EFNA5: variants seen among roughly 807,000 people sequenced by gnomAD.
The protein encoded by EFNA5 is ephrin A5, also known as ephrin-A5.
EFNA5 carries 5 observed loss-of-function variants against 22.9 expected under a neutral mutation model. The observed-to-expected ratio is 0.22, with a 90% CI of 0.11 to 0.46. EFNA5 has a LOEUF of 0.46. Among genes scored for constraint, EFNA5 ranks in the 20% least tolerant of loss-of-function variants. The pLI is 0.99. For missense variants in EFNA5, 237 were observed against 293.3 expected (o/e 0.81, Z 1.40); for synonymous variants, 113 against 112.2 (o/e 1.01, Z -0.04).
At chr5:107,511,207 G>C (rs1747364629) in intron 1 of EFNA5, among the ~76,000 whole-genome samples, 1 of 152,068 alleles carries the variant, frequency 6.6e-6, no homozygotes, top group Admixed American at 6.5e-5. Flanking sequence ...TGTATTTTTA[G>C]TAGAGACAGG....
chr5:107,433,092 A>G (rs1388348037), intron 1 of EFNA5, among the ~76,000 whole-genome samples: 1 of 152,214 alleles, frequency 6.6e-6, no homozygotes, highest in Non-Finnish European at 1.5e-5. Flanking sequence ...CTTCCAAGCA[A>G]TTGTAGGCTA....
rs1747412421 is a variant in EFNA5, at chr5:107,380,435, A to G, written c.*820T>C. The G allele has an allele frequency of 6.6e-6, 1 of 150,848 alleles. No individual in the cohort carries two copies. Among genetic ancestry groups the G allele is most frequent in the Admixed American group, 7.7e-5 (1 of 13,054 alleles). 9.3% of individuals were successfully genotyped at this position (150,848 alleles called of 1,614,324 possible). ...AAGTTGTAGCACCATGGTGATCTGT[A>G]TTCAAAGAAAAAATATCTGGTGTGC... On this transcript the variant is annotated 3_prime_UTR_variant, in exon 5 of 5. Transcript: ENST00000333274.
intron 1 of EFNA5, among the ~76,000 whole-genome samples, chr5:107,517,124 T>C (rs1371540997): frequency 6.6e-6 from 1 of 151,106 alleles, no homozygotes; most frequent in Non-Finnish European, 1.5e-5. Context: ...ATGAATTTTA[T>C]GGTATGTAAA....
Position 107,670,550 on chromosome 5 carries a change from C to T in EFNA5, c.64G>A (p.Asp22Asn). The T allele has an allele frequency of 6.3e-7, 1 of 1,595,816 alleles. No homozygotes were observed. Among genetic ancestry groups the T allele is most frequent in the Middle Eastern group, 1.7e-4 (1 of 6,040 alleles). Reference protein sequence around the residue: ...LVLWMCVFSQDPGSKAVADRY... With the variant: ...LVLWMCVFSQNPGSKAVADRY... ...TCGGCGACGGCCTTGGAGCCCGGGT[C>T]CTGGCTGAACACACACATCCAGAGC... is the stretch of plus-strand genomic sequence containing the variant. The change falls in exon 1 of 5, where the codon GAC becomes AAC. Residue 22 changes from aspartate (D) to asparagine (N), a missense_variant. Around this residue, in one of 3 missense-constraint regions of EFNA5, gnomAD observed 120 missense variants for 140.5 expected, o/e 0.85. Transcript: ENST00000333274.
At chr5:107,426,836 T>C (rs775452108) in intron 2 of EFNA5, 1 of 189,346 alleles carries the variant, frequency 5.3e-6, no homozygotes, top group Non-Finnish European at 1.1e-5. Context: ...GAAAGGATAT[T>C]GCTGACACCT....
chr5:107,600,961 G>A (rs890826800), intron 1 of EFNA5, among the ~76,000 whole-genome samples: 3 of 152,124 alleles, frequency 2.0e-5, no homozygotes, highest in African/African-American at 4.8e-5. Flanking sequence ...AAAGCCCTTT[G>A]TCTAAAATAA....
At chr5:107,453,788 A>C (rs1253880938) in intron 1 of EFNA5, among the ~76,000 whole-genome samples, 2 of 152,194 alleles carry the variant, frequency 1.3e-5, no homozygotes, top group Admixed American at 1.3e-4. Context: ...TGTTGATATG[A>C]TTCAAGAGTG....
At chr5:107,433,609 T>C (rs1420473023) in intron 1 of EFNA5, among the ~76,000 whole-genome samples, 7 of 152,174 alleles carry the variant, frequency 4.6e-5, no homozygotes, top group Non-Finnish European at 1.0e-4. Flanking sequence ...TTAATATCTC[T>C]CCCTTGCTGA....
chr5:107,482,863 T>C (rs1436862321), intron 1 of EFNA5, among the ~76,000 whole-genome samples: 1 of 43,734 alleles, frequency 2.3e-5, no homozygotes, highest in Non-Finnish European at 4.8e-5. Flanking sequence ...TCTCTCTCTC[T>C]CTCTCTCTAT....
At chr5:107,659,949 A>C in intron 1 of EFNA5, among the ~76,000 whole-genome samples, 1 of 151,892 alleles carries the variant, frequency 6.6e-6, no homozygotes. Context: ...GATGAAGGTA[A>C]ACCAATAGGT....
chr5:107,624,259 G>A (rs756865417), intron 1 of EFNA5, among the ~76,000 whole-genome samples: 7 of 152,066 alleles, frequency 4.6e-5, no homozygotes, highest in Non-Finnish European at 7.4e-5. Flanking sequence ...TTAGCCTTCC[G>A]ACCTGCATAA....
chr5:107,654,801 A>G (rs1750791502), intron 1 of EFNA5, among the ~76,000 whole-genome samples: 1 of 152,100 alleles, frequency 6.6e-6, no homozygotes, highest in South Asian at 2.1e-4. Flanking sequence ...AAAAATAATG[A>G]GGTAAAAGGT....
chr5:107,450,597 C>T (rs1340396836), intron 1 of EFNA5, among the ~76,000 whole-genome samples: 2 of 152,198 alleles, frequency 1.3e-5, no homozygotes, highest in Non-Finnish European at 2.9e-5. Context: ...TTGATAAAAG[C>T]ATGAAACACT....
intron 1 of EFNA5, among the ~76,000 whole-genome samples, chr5:107,457,559 C>T (rs953537321): frequency 1.3e-5 from 2 of 152,060 alleles, no homozygotes; most frequent in Non-Finnish European, 1.5e-5. Flanking sequence ...AAAGTCTGTA[C>T]ATGCTCAGTA....
At chr5:107,509,485 A>ATTTTTT (rs35228224) in intron 1 of EFNA5, among the ~76,000 whole-genome samples, 1 of 125,242 alleles carries the variant, frequency 8.0e-6, no homozygotes, top group Non-Finnish European at 1.7e-5. Flanking sequence ...TGCTTGGCTA[A>ATTTTTT]TTTTTTTTTT....
At chr5:107,605,058 GGCA>G (rs1749683155) in intron 1 of EFNA5, among the ~76,000 whole-genome samples, 1 of 151,542 alleles carries the variant, frequency 6.6e-6, no homozygotes, top group South Asian at 2.1e-4. Flanking sequence ...GATCAAAAAG[GGCA>G]GCAAGAAAAG....
At chr5:107,576,470 T>C (rs1463512319) in intron 1 of EFNA5, among the ~76,000 whole-genome samples, 4 of 152,140 alleles carry the variant, frequency 2.6e-5, no homozygotes, top group Non-Finnish European at 5.9e-5. Context: ...AAAATCAATT[T>C]AGAATCTTGC....
intron 1 of EFNA5, among the ~76,000 whole-genome samples, chr5:107,536,094 G>T (rs971460968): frequency 1.3e-5 from 2 of 152,176 alleles, no homozygotes; most frequent in Non-Finnish European, 2.9e-5. Flanking sequence ...GTACCTGACT[G>T]ATATGAGGGA....
chr5:107,526,767 G>A (rs922919239), intron 1 of EFNA5, among the ~76,000 whole-genome samples: 1 of 152,178 alleles, frequency 6.6e-6, no homozygotes, highest in Non-Finnish European at 1.5e-5. Context: ...AGGTCATGTA[G>A]TAAAAATGGA....
Sources: gnomAD v4.1 joint callset for allele counts (sites outside exome capture counted in the v4.1 genomes callset) on GRCh38, gnomAD v4.1.1 for gene constraint, gnomAD v4.1.1 regional missense constraint, MANE v1.5 for transcripts, NCBI Gene and HGNC (gene_info 2026-07-23, HGNC 2026-07-21) for gene names.